LRRC37A2: variants seen among roughly 807,000 people sequenced by gnomAD.
LRRC37A2 encodes the protein leucine rich repeat containing 37 member A2, also known as leucine-rich repeat-containing protein 37A2.
A neutral mutation model predicts 68.8 loss-of-function variants in LRRC37A2; 9 were observed. That is an observed-to-expected ratio of 0.13 (90% CI 0.08 to 0.23). LRRC37A2 has a LOEUF of 0.23. Among genes scored for constraint, LRRC37A2 ranks in the 10% least tolerant of loss-of-function variants. The probability of loss-of-function intolerance (pLI) is 1.00; values close to 1 mark genes in which losing one functional copy is unlikely to be tolerated. For synonymous variants in LRRC37A2, 63 were observed against 367.6 expected (o/e 0.17, Z 9.48); for missense variants, 168 against 950.4 (o/e 0.18, Z 10.82).
chr17:46,934,726 G>A, the LRRC37A2 span, among the ~76,000 whole-genome samples: 41 of 152,332 alleles, frequency 2.7e-4, no homozygotes, highest in African/African-American at 9.6e-4. Flanking sequence ...ACCCAATGAG[G>A]TCTTGAAGGA....
chr17:46,818,723 A>G, the LRRC37A2 span: 1 of 943,566 alleles, frequency 1.1e-6, no homozygotes, highest in Admixed American at 2.0e-5. Context: ...GCGCACCTCC[A>G]CCCGCAGCCG....
the LRRC37A2 span, among the ~76,000 whole-genome samples, chr17:46,715,174 T>G: frequency 7.2e-5 from 11 of 152,298 alleles, no homozygotes; most frequent in South Asian, 2.1e-4. Context: ...TAAAAATGTT[T>G]GAAATTGAGT....
the LRRC37A2 span, among the ~76,000 whole-genome samples, chr17:46,875,654 G>A: frequency 2.6e-5 from 4 of 152,216 alleles, no homozygotes; most frequent in Admixed American, 6.5e-5. Flanking sequence ...GTGAAGCAGG[G>A]ACATGTTTGG....
the LRRC37A2 span, chr17:46,940,404 T>G: frequency 6.3e-7 from 1 of 1,577,720 alleles, no homozygotes; most frequent in African/African-American, 1.3e-5. Flanking sequence ...TTGCAGCATC[T>G]TTAGACCTAG....
chr17:46,919,136 C>T, the LRRC37A2 span, among the ~76,000 whole-genome samples: 1 of 152,110 alleles, frequency 6.6e-6, no homozygotes, highest in African/African-American at 2.4e-5. Context: ...GTATATCAGC[C>T]CTTGCATTGT....
At chr17:46,789,416 C>T in the LRRC37A2 span, among the ~76,000 whole-genome samples, 7 of 152,306 alleles carry the variant, frequency 4.6e-5, no homozygotes, top group East Asian at 1.9e-4. Flanking sequence ...CCAACACCAG[C>T]GTGGCAGGAT....
chr17:46,931,192 G>C, the LRRC37A2 span: 1 of 1,552,624 alleles, frequency 6.4e-7, no homozygotes, highest in Non-Finnish European at 8.9e-7. Flanking sequence ...CCTAACAAAA[G>C]GCAAAATGCC....
chr17:46,776,317 G>A, the LRRC37A2 span, among the ~76,000 whole-genome samples: 1 of 152,198 alleles, frequency 6.6e-6, no homozygotes, highest in African/African-American at 2.4e-5. Flanking sequence ...ATGGGCACAC[G>A]GCGCACACAG....
the LRRC37A2 span, chr17:46,939,185 G>A: frequency 9.2e-7 from 1 of 1,086,304 alleles, no homozygotes; most frequent in Non-Finnish European, 1.1e-6. Context: ...AAGTGGAAAG[G>A]AAAGGAAAGA....
At chr17:46,671,784 A>G in the LRRC37A2 span, among the ~76,000 whole-genome samples, 1 of 127,970 alleles carries the variant, frequency 7.8e-6, no homozygotes, top group African/African-American at 2.8e-5. Flanking sequence ...AGTTCAAAAC[A>G]CATTAATTTG....
chr17:46,996,700 T>C, the LRRC37A2 span, among the ~76,000 whole-genome samples: 1 of 152,184 alleles, frequency 6.6e-6, no homozygotes, highest in African/African-American at 2.4e-5. Context: ...GGCTGGAGTG[T>C]AGTGGTGTGA....
chr17:46,739,931 C>T, the LRRC37A2 span, among the ~76,000 whole-genome samples: 1 of 152,230 alleles, frequency 6.6e-6, no homozygotes, highest in East Asian at 1.9e-4. Context: ...AACTCCTGGC[C>T]TCAAGTGATC....
chr17:46,840,633 T>C, the LRRC37A2 span, among the ~76,000 whole-genome samples: 7 of 152,368 alleles, frequency 4.6e-5, no homozygotes, highest in African/African-American at 1.7e-4. Flanking sequence ...GTAAAAGTGT[T>C]CCTGTTTCTC....
the LRRC37A2 span, among the ~76,000 whole-genome samples, chr17:46,837,425 T>C: frequency 6.6e-6 from 1 of 152,154 alleles, no homozygotes; most frequent in Non-Finnish European, 1.5e-5. Context: ...AGGGTGGGAC[T>C]GATGTTGGGG....
chr17:46,490,064 T>C, the LRRC37A2 span, among the ~76,000 whole-genome samples: 7 of 150,866 alleles, frequency 4.6e-5, no homozygotes, highest in Admixed American at 4.6e-4. Context: ...AAGTCATTCT[T>C]GTGTGGACCT....
the LRRC37A2 span, among the ~76,000 whole-genome samples, chr17:46,786,198 A>C: frequency 6.6e-6 from 1 of 151,628 alleles, no homozygotes; most frequent in Non-Finnish European, 1.5e-5. Context: ...CCTGGGGAGG[A>C]GGAAAGAGAG....
the LRRC37A2 span, among the ~76,000 whole-genome samples, chr17:46,990,684 T>C: frequency 6.6e-6 from 1 of 152,088 alleles, no homozygotes; most frequent in Non-Finnish European, 1.5e-5. Context: ...CTTTTTTTTT[T>C]TCTTAAGATA....
the LRRC37A2 span, among the ~76,000 whole-genome samples, chr17:46,839,948 CT>C: frequency 8.1e-5 from 12 of 148,716 alleles, no homozygotes; most frequent in Non-Finnish European, 1.0e-4. Context: ...TTCTTTCTTT[CT>C]TTCTTTCTTT....
chr17:46,960,661 A>G, the LRRC37A2 span, among the ~76,000 whole-genome samples: 3 of 152,260 alleles, frequency 2.0e-5, no homozygotes, highest in African/African-American at 7.2e-5. Context: ...CATCCATCCA[A>G]TGGAATATTA....
Sources: allele counts gnomAD v4.1 joint callset (sites outside exome capture counted in the v4.1 genomes callset), GRCh38; gene constraint gnomAD v4.1.1; transcripts MANE v1.5; gene names NCBI Gene and HGNC (gene_info 2026-07-23, HGNC 2026-07-21).